Variants in ZYG11B observed in about 807,000 individuals in gnomAD.
ZYG11B encodes the protein protein zyg-11 homolog B.
A neutral mutation model predicts 82.4 loss-of-function variants in ZYG11B; 36 were observed. The observed-to-expected ratio is 0.44, with a 90% CI of 0.33 to 0.58. The LOEUF is 0.58. ZYG11B is among the 20% of genes least tolerant of loss of function. The pLI is 0.02. For missense variants in ZYG11B, 552 were observed against 895.6 expected (o/e 0.62, Z 4.90); for synonymous variants, 303 against 312.8 (o/e 0.97, Z 0.33).
In ZYG11B at chr1:52,821,495, A is replaced by G. The variant is rs1645283472; in HGVS notation, c.2101A>G (p.Ile701Val). 1.2e-6 allele frequency: 2 copies of G among 1,613,660 alleles called. No homozygotes were observed. The highest frequency in any genetic ancestry group is 1.7e-6 in the Non-Finnish European group (2 of 1,179,788). Residue 701 changes from isoleucine (I) to valine (V), a missense_variant, in exon 14 of 14, where the codon ATC becomes GTC. Physicochemically the swap from Ile to Val is conservative, Grantham distance 29 (BLOSUM62 3). Around this residue, in one of 3 missense-constraint regions of ZYG11B, gnomAD observed 127 missense variants for 163.4 expected, o/e 0.78. Coordinates refer to ENST00000294353, the MANE Select transcript of ZYG11B (RefSeq NM_024646.3). Reference protein sequence around the residue: ...EEGGLQHLYNIKDHEHTDPHV... With the variant: ...EEGGLQHLYNVKDHEHTDPHV... Reference sequence around the variant, plus strand: ...AGGAGGATTGCAGCATTTATACAACATCAAAGATCATGAACATACTGATCC... The same window carrying G: ...AGGAGGATTGCAGCATTTATACAACGTCAAAGATCATGAACATACTGATCC...
At chr1:52,777,680 G>A (rs763116097) in intron 3 of ZYG11B, among the ~76,000 whole-genome samples, 1 of 152,052 alleles carries the variant, frequency 6.6e-6, no homozygotes, top group Admixed American at 6.6e-5. Flanking sequence ...GGGCTCAAGT[G>A]ATCCTCCTGC....
chr1:52,734,128 G>C (rs1644357987), intron 1 of ZYG11B, among the ~76,000 whole-genome samples: 1 of 151,986 alleles, frequency 6.6e-6, no homozygotes, highest in Non-Finnish European at 1.5e-5. Flanking sequence ...CTCCTGAGTT[G>C]CTGGGACCAC....
chr1:52,771,120 G>A lies in ZYG11B; in HGVS notation c.297G>A (p.Arg99=). Residue 99 remains arginine (R), a synonymous_variant, in exon 3 of 14, where the codon CGG becomes CGA. Transcript: ENST00000294353. This position sits in a 1 kb window ranked among gnomAD's most constrained non-coding sequence, Gnocchi z 5.4. ...CAAAGATCTCTGCTGTTGCTTTCCG[G>A]AAAGCTTTCTGCCACCACAAGTTAG... ...RKAKISAVAF[R]KAFCHHKLVE... 1 of 1,614,210 alleles carries A rather than the reference G, an allele frequency of 6.2e-7. No individual in the cohort carries two copies. Among genetic ancestry groups the A allele is most frequent in the Non-Finnish European group, 8.5e-7 (1 of 1,180,042 alleles).
Position 52,788,399 on chromosome 1 carries a change from T to C in ZYG11B, c.1270-1604T>C, listed in dbSNP as rs1237185047. Reference sequence around the variant, plus strand: ...ATTCAGTGAAATTTATCTTCTGTTATTAAGTTAGCCATTAGTTCAGTTAAG... The same window carrying C: ...ATTCAGTGAAATTTATCTTCTGTTACTAAGTTAGCCATTAGTTCAGTTAAG... On this transcript the variant is annotated intron_variant, in intron 5 of 13. Transcript: ENST00000294353. 2.6e-5 allele frequency among the ~76,000 whole-genome samples: 4 copies of C among 152,320 alleles called. No individual in the cohort carries two copies. The South Asian group carries it at 6.2e-4, about 24-fold the overall frequency.
chr1:52,777,657 G>A (rs1246308762), intron 3 of ZYG11B, among the ~76,000 whole-genome samples: 2 of 152,016 alleles, frequency 1.3e-5, no homozygotes. Context: ...CCCCAGGCTG[G>A]TTTTGAACTC....
At chr1:52,776,615 TGAG>T (rs1275345503) in intron 3 of ZYG11B, among the ~76,000 whole-genome samples, 2 of 151,984 alleles carry the variant, frequency 1.3e-5, no homozygotes, top group Non-Finnish European at 1.5e-5. Flanking sequence ...CAAGGTAACT[TGAG>T]GATATATTTC....
At chr1:52,776,229 A>AAAAAAAAAAAAAAAATATATATAGATAT in intron 3 of ZYG11B, among the ~76,000 whole-genome samples, 1 of 23,536 alleles carries the variant, frequency 4.2e-5, no homozygotes, top group African/African-American at 9.5e-5. Context: ...TAAAAAAAAA[A>AAAAAAAAAAAAAAAATATATATAGATAT]ATATATATAT....
Position 52,756,502 on chromosome 1 carries a change from C to A in ZYG11B, c.75C>A (p.Phe25Leu). Residue 25 changes from phenylalanine to leucine, a missense_variant, in exon 2 of 14, where the codon TTC (phenylalanine) becomes TTA (leucine). Coordinates refer to ENST00000294353, the MANE Select transcript of ZYG11B (RefSeq NM_024646.3). ...CCTTACTTGATATCTGCTTGAATTTCTTGACTACTCACCTTGAGAAGTTCT... is the reference window on the plus strand; with the variant it reads ...CCTTACTTGATATCTGCTTGAATTTATTGACTACTCACCTTGAGAAGTTCT... ...PYSLLDICLN[F>L]LTTHLEKFCS... The A allele has an allele frequency of 6.2e-7, 1 of 1,614,104 alleles. No individual in the cohort carries two copies. The highest frequency in any genetic ancestry group is 2.2e-5 in the East Asian group (1 of 44,876).
At chr1:52,772,564 T>G in intron 3 of ZYG11B, 1 of 1,606,158 alleles carries the variant, frequency 6.2e-7, no homozygotes, top group Non-Finnish European at 8.5e-7. Flanking sequence ...TCGTCAGATG[T>G]CAACTTCAAC....
intron 13 of ZYG11B, among the ~76,000 whole-genome samples, chr1:52,817,799 A>ATATG (rs1386625337): frequency 1.3e-3 from 64 of 47,670 alleles, no homozygotes; most frequent in African/African-American, 4.6e-3. Context: ...ATATATATAT[A>ATATG]TATATATATA....
At chr1:52,736,766 T>C (rs1449209913) in intron 1 of ZYG11B, among the ~76,000 whole-genome samples, 2 of 151,702 alleles carry the variant, frequency 1.3e-5, no homozygotes, top group African/African-American at 4.8e-5. Flanking sequence ...TTTTGTATTT[T>C]TTAGTAGAGA....
At chr1:52,803,535 T>C (rs1208981935) in intron 10 of ZYG11B, among the ~76,000 whole-genome samples, 1 of 151,428 alleles carries the variant, frequency 6.6e-6, no homozygotes, top group African/African-American at 2.4e-5. Context: ...AGGAAAAATA[T>C]AATACGCATA....
At chr1:52,806,659 G>A (rs534229657) in intron 10 of ZYG11B, among the ~76,000 whole-genome samples, 3 of 152,064 alleles carry the variant, frequency 2.0e-5, no homozygotes, top group African/African-American at 7.2e-5. Flanking sequence ...TGTTAGCATA[G>A]CATTTCTTGT....
chr1:52,764,435 A>G (rs1385417642), intron 2 of ZYG11B, among the ~76,000 whole-genome samples: 3 of 151,968 alleles, frequency 2.0e-5, no homozygotes, highest in African/African-American at 7.3e-5. Flanking sequence ...ACACCCAGCC[A>G]AGATTTTTTT....
chr1:52,726,720 G>A, intron 1 of ZYG11B, 37 bp downstream of exon 1: 2 of 1,453,086 alleles, frequency 1.4e-6, no homozygotes, highest in African/African-American at 1.5e-5. Context: ...GCAGCCGCCC[G>A]CCACCCTAGC....
chr1:52,771,902 G>T lies in ZYG11B; in HGVS notation c.951+128G>T. Reference sequence around the variant, plus strand: ...AAACAGGGCTGCATATAGTTGAAAGGCTTAGAGTCCTAATTAAAATCTCAG... The same window carrying T: ...AAACAGGGCTGCATATAGTTGAAAGTCTTAGAGTCCTAATTAAAATCTCAG... On this transcript the variant is annotated intron_variant, in intron 3 of 13. Coordinates refer to ENST00000294353, the MANE Select transcript of ZYG11B (RefSeq NM_024646.3). The surrounding 1 kb of genome is among the most constrained non-coding windows in gnomAD (Gnocchi z 5.4). 3.5e-6 allele frequency: 4 copies of T among 1,147,588 alleles called. No individual in the cohort carries two copies. The highest frequency in any genetic ancestry group is 4.9e-6 in the Non-Finnish European group (4 of 818,246). The allele number at this position is 1,147,588 out of a possible 1,614,324, so 71.1% of individuals were successfully genotyped here.
chr1:52,786,196 C>T (rs1644910452), intron 5 of ZYG11B, among the ~76,000 whole-genome samples: 1 of 151,804 alleles, frequency 6.6e-6, no homozygotes, highest in South Asian at 2.1e-4. Context: ...AATTCACTGG[C>T]AAAGTTGATC....
intron 1 of ZYG11B, among the ~76,000 whole-genome samples, chr1:52,745,833 G>A (rs1644471457): frequency 6.8e-6 from 1 of 147,946 alleles, no homozygotes; most frequent in Non-Finnish European, 1.5e-5. Flanking sequence ...CAAAGTGATG[G>A]GATTACAGGT....
At chr1:52,787,196 C>T (rs755194790) in intron 5 of ZYG11B, among the ~76,000 whole-genome samples, 11 of 152,096 alleles carry the variant, frequency 7.2e-5, no homozygotes, top group Non-Finnish European at 1.2e-4. Flanking sequence ...AGTCACACAT[C>T]GGAATACTTA....
Sources: allele counts gnomAD v4.1 joint callset (sites outside exome capture counted in the v4.1 genomes callset), GRCh38; gene constraint gnomAD v4.1.1; regional missense constraint gnomAD v4.1.1; non-coding constraint Gnocchi (gnomAD v3.1); transcripts MANE v1.5; gene names NCBI Gene and HGNC (gene_info 2026-07-23, HGNC 2026-07-21).